NRXN1: variants seen among roughly 807,000 people sequenced by gnomAD.
NRXN1 encodes the protein neurexin 1.
NRXN1 carries 39 observed loss-of-function variants against 150.9 expected under a neutral mutation model. The observed-to-expected ratio is 0.26, with a 90% CI of 0.20 to 0.34. NRXN1 has a LOEUF of 0.34. Among genes scored for constraint, NRXN1 ranks in the 10% least tolerant of loss-of-function variants. The pLI, the probability that NRXN1 is intolerant of heterozygous loss-of-function variation, is 1.00. For missense variants in NRXN1, 1,815 were observed against 1,949.9 expected (o/e 0.93, Z 1.30); for synonymous variants, 924 against 757.0 (o/e 1.22, Z -3.62).
chr2:50,843,916 C>A (rs1673237170), intron 5 of NRXN1, among the ~76,000 whole-genome samples: 1 of 152,090 alleles, frequency 6.6e-6, no homozygotes, highest in South Asian at 2.1e-4. Flanking sequence ...CTCAACCAAA[C>A]CCTAACATAA....
chr2:50,729,394 C>A (rs1697796015), intron 5 of NRXN1, among the ~76,000 whole-genome samples: 1 of 152,158 alleles, frequency 6.6e-6, no homozygotes, highest in Admixed American at 6.5e-5. Context: ...AAGTTAAAAT[C>A]TGCATAGTAA....
chr2:50,807,149 T>G (rs1667612458), intron 5 of NRXN1, among the ~76,000 whole-genome samples: 1 of 152,136 alleles, frequency 6.6e-6, no homozygotes, highest in South Asian at 2.1e-4. Context: ...ATTCTATTAC[T>G]TCTCTTATTT....
chr2:50,714,698 G>A (rs747538886), intron 5 of NRXN1, among the ~76,000 whole-genome samples: 33 of 152,058 alleles, frequency 2.2e-4, no homozygotes, highest in Admixed American at 2.6e-4. Context: ...ATCTTCTGAC[G>A]TGTGCTAAAT....
chr2:50,690,611 G>T (rs1362276935), intron 5 of NRXN1, among the ~76,000 whole-genome samples: 1 of 152,174 alleles, frequency 6.6e-6, no homozygotes, highest in Non-Finnish European at 1.5e-5. Flanking sequence ...GAAGTGAACT[G>T]CAATGTGTCT....
At chr2:49,973,805 C>A (rs752255298) in intron 21 of NRXN1, 107 of 577,882 alleles carry the variant, frequency 1.9e-4, no homozygotes, top group Non-Finnish European at 3.2e-4. Context: ...ATTTGACATG[C>A]AATCTTCAAG....
intron 17 of NRXN1, among the ~76,000 whole-genome samples, chr2:50,420,962 CTGTGTGTGTGTGTG>C (rs4032055): frequency 0.027 from 3,249 of 119,994 alleles, 99 homozygotes; most frequent in African/African-American, 0.073. Flanking sequence ...CAAAATAGAC[CTGTGTGTGTGTGTG>C]TGTGTGTGTG....
intron 16 of NRXN1, among the ~76,000 whole-genome samples, chr2:50,471,817 CA>C (rs1241745537): frequency 6.6e-6 from 1 of 151,670 alleles, no homozygotes; most frequent in South Asian, 2.1e-4. Flanking sequence ...ATCATCTGTA[CA>C]AAAAACCCCT....
At chr2:50,522,428 G>A (rs900108815) in intron 12 of NRXN1, among the ~76,000 whole-genome samples, 5 of 152,120 alleles carry the variant, frequency 3.3e-5, no homozygotes, top group Admixed American at 1.3e-4. Flanking sequence ...AATGCTTAAC[G>A]TGAATAAATT....
chr2:50,369,186 G>A (rs879478636), intron 17 of NRXN1, among the ~76,000 whole-genome samples: 1 of 151,764 alleles, frequency 6.6e-6, no homozygotes, highest in South Asian at 2.1e-4. Flanking sequence ...CAGAGAAAGA[G>A]GTGAGTGGTG....
chr2:49,991,305 T>G (rs1247235332), intron 21 of NRXN1, among the ~76,000 whole-genome samples: 1 of 152,102 alleles, frequency 6.6e-6, no homozygotes, highest in African/African-American at 2.4e-5. Flanking sequence ...TGCTTGCAGG[T>G]GACACAATTG....
chr2:50,874,045 C>T (rs760143199), intron 5 of NRXN1, among the ~76,000 whole-genome samples: 48 of 151,934 alleles, frequency 3.2e-4, no homozygotes, highest in Non-Finnish European at 5.3e-4. Context: ...TAGGACACAA[C>T]GTAGTATTTT....
intron 5 of NRXN1, among the ~76,000 whole-genome samples, chr2:50,760,473 A>C (rs949616990): frequency 2.0e-5 from 3 of 151,346 alleles, no homozygotes; most frequent in Non-Finnish European, 4.4e-5. Flanking sequence ...CTGTATGAAG[A>C]CTCCTGCAAT....
At chr2:50,612,745 T>C (rs1292765285) in intron 8 of NRXN1, among the ~76,000 whole-genome samples, 1 of 152,178 alleles carries the variant, frequency 6.6e-6, no homozygotes, top group Non-Finnish European at 1.5e-5. Context: ...TAAAGTGCTC[T>C]ACTAACAGGA....
At chr2:50,324,716 A>C (rs1224633689) in intron 17 of NRXN1, among the ~76,000 whole-genome samples, 2 of 152,086 alleles carry the variant, frequency 1.3e-5, no homozygotes, top group East Asian at 3.9e-4. Flanking sequence ...TAAGTGTGTA[A>C]GTCATTTCTA....
chr2:50,324,286 A>C (rs569296637), intron 17 of NRXN1, among the ~76,000 whole-genome samples: 71 of 152,338 alleles, frequency 4.7e-4, no homozygotes, highest in African/African-American at 1.3e-3. Context: ...AACCGATTAA[A>C]TGCATGGCAA....
intron 5 of NRXN1, chr2:50,631,338 G>T: frequency 3.6e-6 from 1 of 277,618 alleles, no homozygotes; most frequent in Non-Finnish European, 7.0e-6. Flanking sequence ...TTCAAAAGGA[G>T]ACCCAGGACT....
intron 21 of NRXN1, among the ~76,000 whole-genome samples, chr2:50,034,564 A>T (rs1198334235): frequency 2.0e-5 from 3 of 152,060 alleles, no homozygotes; most frequent in African/African-American, 7.2e-5. Context: ...TACCTGGGTG[A>T]CAAAATAGTC....
chr2:51,003,355 T>C (rs187006441), intron 2 of NRXN1, among the ~76,000 whole-genome samples: 86 of 152,070 alleles, frequency 5.7e-4, no homozygotes, highest in Admixed American at 2.2e-3. Context: ...ATTGAGAGCA[T>C]TGTTTCAGGT....
intron 5 of NRXN1, among the ~76,000 whole-genome samples, chr2:50,870,506 T>G (rs1038464535): frequency 2.0e-5 from 3 of 151,966 alleles, no homozygotes; most frequent in African/African-American, 2.4e-5. Flanking sequence ...TGGCTTCCTA[T>G]GTAGTCCTAA....
Sources: allele counts gnomAD v4.1 joint callset (sites outside exome capture counted in the v4.1 genomes callset), GRCh38; gene constraint gnomAD v4.1.1; transcripts MANE v1.5; gene names NCBI Gene and HGNC (gene_info 2026-07-23, HGNC 2026-07-21).